Variants in EEPD1 observed in about 807,000 individuals in gnomAD.
EEPD1 encodes the protein endonuclease/exonuclease/phosphatase family domain-containing protein 1.
EEPD1 carries 17 observed loss-of-function variants against 46.3 expected under a neutral mutation model. The observed-to-expected ratio is 0.37, with a 90% CI of 0.25 to 0.55. The LOEUF is 0.55. Among genes scored for constraint, EEPD1 ranks in the 20% least tolerant of loss-of-function variants. The probability of loss-of-function intolerance (pLI) is 0.83; values close to 1 mark genes in which losing one functional copy is unlikely to be tolerated. For missense variants in EEPD1, 673 were observed against 745.6 expected (o/e 0.90, Z 1.13); for synonymous variants, 313 against 315.6 (o/e 0.99, Z 0.09).
At chr7:36,267,179 TG>T (rs1787032552) in intron 3 of EEPD1, among the ~76,000 whole-genome samples, 1 of 152,248 alleles carries the variant, frequency 6.6e-6, no homozygotes, top group African/African-American at 2.4e-5. Context: ...CTGGCATTTT[TG>T]TGGCCACCCT....
At chr7:36,223,917 T>C (rs1786187982) in intron 2 of EEPD1, among the ~76,000 whole-genome samples, 1 of 152,194 alleles carries the variant, frequency 6.6e-6, no homozygotes, top group Admixed American at 6.5e-5. Flanking sequence ...GGTACCAACA[T>C]CTGGAAAACA....
intron 6 of EEPD1, among the ~76,000 whole-genome samples, chr7:36,291,434 C>T (rs1363601257): frequency 6.6e-6 from 1 of 152,178 alleles, no homozygotes; most frequent in Non-Finnish European, 1.5e-5. Flanking sequence ...GAGCCTGTTT[C>T]GTACCTGCAG....
At chr7:36,172,728 T>G (rs1443175706) in intron 2 of EEPD1, among the ~76,000 whole-genome samples, 2 of 151,584 alleles carry the variant, frequency 1.3e-5, no homozygotes, top group Non-Finnish European at 2.9e-5. Context: ...AGCCAAAAGA[T>G]TGTACACCTC....
At chr7:36,170,592 C>T (rs1307330672) in intron 2 of EEPD1, among the ~76,000 whole-genome samples, 1 of 149,844 alleles carries the variant, frequency 6.7e-6, no homozygotes, top group Non-Finnish European at 1.5e-5. Context: ...TCAGAGCTCC[C>T]CTCAAGAAAG....
chr7:36,181,818 G>C (rs1244867701), intron 2 of EEPD1, among the ~76,000 whole-genome samples: 1 of 152,080 alleles, frequency 6.6e-6, no homozygotes, highest in East Asian at 1.9e-4. Context: ...GTCCCTATTT[G>C]TTCTTTCTTC....
At chr7:36,236,268 C>T (rs1786437388) in intron 2 of EEPD1, among the ~76,000 whole-genome samples, 1 of 152,228 alleles carries the variant, frequency 6.6e-6, no homozygotes, top group African/African-American at 2.4e-5. Flanking sequence ...AGCCGGCTCC[C>T]TCTGCTCGCA....
At chr7:36,242,973 G>A (rs1786578891) in intron 3 of EEPD1, among the ~76,000 whole-genome samples, 1 of 152,148 alleles carries the variant, frequency 6.6e-6, no homozygotes, top group African/African-American at 2.4e-5. Flanking sequence ...AATAAGATGA[G>A]TTCCTAAAGG....
intron 6 of EEPD1, among the ~76,000 whole-genome samples, chr7:36,292,431 C>G (rs542707650): frequency 6.8e-6 from 1 of 146,324 alleles, no homozygotes; most frequent in South Asian, 2.2e-4. Flanking sequence ...CTTTTTCTTT[C>G]TCTCTCTCTG....
At chr7:36,158,001 G>A (rs2726055) in intron 2 of EEPD1, among the ~76,000 whole-genome samples, 98,565 of 152,110 alleles carry the variant, frequency 0.65, 32,207 homozygotes, top group Middle Eastern at 0.72. Flanking sequence ...ACATCCATGT[G>A]TACCTGTAAT....
In EEPD1 at chr7:36,262,283, C is replaced by T. The variant is rs544906769; in HGVS notation, c.931-18832C>T. On this transcript the variant is annotated intron_variant, in intron 3 of 7. Transcript: ENST00000242108. ...TTGACCCCAGGAGTTCGAGACCAGC[C>T]AGGGCAATGTAGTGTTAGTAATGGT... 9.9e-5 allele frequency among the ~76,000 whole-genome samples: 15 copies of T among 152,124 alleles called. No individual in the cohort carries two copies. In the South Asian group the frequency reaches 3.1e-3, roughly 32 times the overall value.
In EEPD1 at chr7:36,225,147, A is replaced by C. The variant is rs572147376; in HGVS notation, c.879-13838A>C. Among the ~76,000 whole-genome samples the C allele has an allele frequency of 6.6e-6, 1 of 152,322 alleles. No individual in the cohort carries two copies. Among genetic ancestry groups the C allele is most frequent in the East Asian group, 1.9e-4 (1 of 5,188 alleles). On this transcript the variant is annotated intron_variant, in intron 2 of 7. Transcript: ENST00000242108. The surrounding 1 kb of genome is among the most constrained non-coding windows in gnomAD (Gnocchi z 4.2). Reference sequence around the variant, plus strand: ...AGTGAGCCTGAGACTTCTGGCCTCCAGAACTGAGGGAATGACTTTCTGTTG... The same window carrying C: ...AGTGAGCCTGAGACTTCTGGCCTCCCGAACTGAGGGAATGACTTTCTGTTG...
At chr7:36,177,277 C>T (rs1370147906) in intron 2 of EEPD1, among the ~76,000 whole-genome samples, 1 of 150,034 alleles carries the variant, frequency 6.7e-6, no homozygotes, top group African/African-American at 2.5e-5. Flanking sequence ...GCAATTTCAA[C>T]TTTTGTTTTA....
intron 2 of EEPD1, among the ~76,000 whole-genome samples, chr7:36,213,390 G>A (rs1306947141): frequency 6.6e-6 from 1 of 152,188 alleles, no homozygotes; most frequent in Non-Finnish European, 1.5e-5. Flanking sequence ...TGCTTGGAAA[G>A]TCTCATTTAC....
chr7:36,177,920 G>T (rs968073310), intron 2 of EEPD1, among the ~76,000 whole-genome samples: 3 of 152,102 alleles, frequency 2.0e-5, no homozygotes, highest in Non-Finnish European at 4.4e-5. Flanking sequence ...CACCATGTTG[G>T]TCAGGCTGGT....
chr7:36,265,829 A>G (rs947771347), intron 3 of EEPD1, among the ~76,000 whole-genome samples: 5 of 152,230 alleles, frequency 3.3e-5, no homozygotes, highest in Non-Finnish European at 4.4e-5. Context: ...GGGTAAATCA[A>G]CATGGTTTGT....
chr7:36,165,977 G>A (rs567087181), intron 2 of EEPD1, among the ~76,000 whole-genome samples: 7 of 152,270 alleles, frequency 4.6e-5, no homozygotes, highest in African/African-American at 1.4e-4. Context: ...TGAACTGCTC[G>A]GAGAACCGAT....
At chr7:36,295,100 C>T (rs1447547653) in intron 6 of EEPD1, among the ~76,000 whole-genome samples, 1 of 151,892 alleles carries the variant, frequency 6.6e-6, no homozygotes, top group Non-Finnish European at 1.5e-5. Context: ...ATTGCTTGAA[C>T]CCGAGAGGCA....
intron 2 of EEPD1, among the ~76,000 whole-genome samples, chr7:36,233,663 G>A (rs75941529): frequency 0.035 from 5,297 of 152,254 alleles, 121 homozygotes; most frequent in Middle Eastern, 0.071. Context: ...GGTTTAACTC[G>A]GGTGTCCAGG....
rs1418551458 is a variant in EEPD1, at chr7:36,176,294, A to C, written c.878+21092A>C. Among the ~76,000 whole-genome samples the C allele has an allele frequency of 2.0e-5, 3 of 152,240 alleles. No homozygotes were observed. In the East Asian group the frequency reaches 5.8e-4, roughly 29 times the overall value. On this transcript the variant is annotated intron_variant, in intron 2 of 7. Transcript: ENST00000242108. ...TGCTCAGTGCGTTTGGAAGACAGCA[A>C]ATCACTCCAGGAGTGGCCTGAAGAC... is the stretch of plus-strand genomic sequence containing the variant.
Sources: allele counts gnomAD v4.1 joint callset (sites outside exome capture counted in the v4.1 genomes callset), GRCh38; gene constraint gnomAD v4.1.1; non-coding constraint Gnocchi (gnomAD v3.1); transcripts MANE v1.5; gene names NCBI Gene and HGNC (gene_info 2026-07-23, HGNC 2026-07-21).